The following DCDC1 variants were observed in gnomAD, a reference collection of about 807,000 sequenced individuals.
The protein encoded by DCDC1 is doublecortin domain-containing protein 1.
A neutral mutation model predicts 178.3 loss-of-function variants in DCDC1; 200 were observed. The ratio of observed to expected loss-of-function variants is 1.12; its 90% CI spans 1.00 to 1.26. The LOEUF is 1.26. Ranked by LOEUF, DCDC1 falls within the 50% of genes most tolerant of loss-of-function variation. The pLI is 0.00. For missense variants in DCDC1, 1,983 were observed against 1,749.2 expected (o/e 1.13, Z -2.38); for synonymous variants, 690 against 604.8 (o/e 1.14, Z -2.07).
intron 1 of DCDC1, among the ~76,000 whole-genome samples, chr11:31,361,333 G>T (rs1241087643): frequency 6.6e-6 from 1 of 152,026 alleles, no homozygotes; most frequent in Non-Finnish European, 1.5e-5. Context: ...AGAGCAAAAA[G>T]GTCCAAAAGG....
At chr11:30,925,501 A>G (rs1488447875) in intron 22 of DCDC1, 93 bp from the exon 23 acceptor site, 1 of 1,067,698 alleles carries the variant, frequency 9.4e-7, no homozygotes, top group Non-Finnish European at 1.4e-6. Context: ...TGAATCCATA[A>G]TGACAACTCT....
At chr11:31,173,147 A>G (rs2136232403) in intron 9 of DCDC1, among the ~76,000 whole-genome samples, 1 of 152,358 alleles carries the variant, frequency 6.6e-6, no homozygotes, top group East Asian at 1.9e-4. Context: ...ATATTACAAC[A>G]TAATTTTAAA....
chr11:31,296,093 C>T (rs1001099637), intron 6 of DCDC1, among the ~76,000 whole-genome samples: 1 of 151,816 alleles, frequency 6.6e-6, no homozygotes. Context: ...AGTCAGTCAG[C>T]CAGCCAGCCA....
chr11:31,026,783 C>A (rs893939142), intron 20 of DCDC1, among the ~76,000 whole-genome samples: 1 of 151,756 alleles, frequency 6.6e-6, no homozygotes, highest in African/African-American at 2.4e-5. Context: ...CCAAACTTTA[C>A]ACAAAATTAT....
At chr11:31,082,537 G>C (rs1957239049) in intron 17 of DCDC1, among the ~76,000 whole-genome samples, 1 of 151,928 alleles carries the variant, frequency 6.6e-6, no homozygotes, top group African/African-American at 2.4e-5. Flanking sequence ...TATAGATACA[G>C]ATATCACCCA....
At chr11:31,058,220 T>A (rs1256356633) in intron 20 of DCDC1, among the ~76,000 whole-genome samples, 4 of 152,110 alleles carry the variant, frequency 2.6e-5, no homozygotes, top group African/African-American at 9.7e-5. Flanking sequence ...GACAGGATGG[T>A]CTTGAAATGT....
At chr11:30,895,555 A>G (rs1944138888) in intron 34 of DCDC1, among the ~76,000 whole-genome samples, 2 of 152,344 alleles carry the variant, frequency 1.3e-5, no homozygotes, top group Middle Eastern at 3.4e-3. Flanking sequence ...ATAGAGTATA[A>G]AGCACTTGTG....
chr11:31,065,898 G>A (rs570553217), intron 18 of DCDC1, among the ~76,000 whole-genome samples: 5 of 152,200 alleles, frequency 3.3e-5, no homozygotes, highest in East Asian at 1.9e-4. Flanking sequence ...CAGCCCTCAC[G>A]GAACAAGTGT....
intron 33 of DCDC1, 60 bp from the exon 34 acceptor site, chr11:30,899,702 T>C: frequency 8.4e-7 from 1 of 1,193,184 alleles, no homozygotes; most frequent in Non-Finnish European, 1.1e-6. Flanking sequence ...GCACCAATAA[T>C]TTATAAAGAA....
intron 20 of DCDC1, among the ~76,000 whole-genome samples, chr11:30,968,735 A>ATATATATATATATATATATATATATC (rs1334388537): frequency 7.4e-6 from 1 of 135,790 alleles, no homozygotes; most frequent in South Asian, 2.2e-4. Context: ...ATATATATAT[A>ATATATATATATATATATATATATATC]TGGTTTGATA....
At chr11:30,998,651 TG>T (rs762794055) in intron 20 of DCDC1, among the ~76,000 whole-genome samples, 1 of 152,180 alleles carries the variant, frequency 6.6e-6, no homozygotes, top group Non-Finnish European at 1.5e-5. Context: ...GCTAAATTAG[TG>T]GGCAGAACTT....
At chr11:30,924,442 C>T (rs1946469823) in intron 23 of DCDC1, among the ~76,000 whole-genome samples, 1 of 152,092 alleles carries the variant, frequency 6.6e-6, no homozygotes, top group Non-Finnish European at 1.5e-5. Context: ...GAATTGTAGG[C>T]ATCAATCAAG....
intron 20 of DCDC1, among the ~76,000 whole-genome samples, chr11:30,976,309 T>G (rs770384747): frequency 6.6e-6 from 1 of 151,918 alleles, no homozygotes; most frequent in Non-Finnish European, 1.5e-5. Flanking sequence ...AAAGCACAGG[T>G]AGCAAAGTCA....
intron 21 of DCDC1, among the ~76,000 whole-genome samples, chr11:30,951,280 G>A (rs1327493115): frequency 6.6e-6 from 1 of 152,124 alleles, no homozygotes; most frequent in South Asian, 2.1e-4. Context: ...AATACATTTA[G>A]AATGACAGCT....
intron 37 of DCDC1, 60 bp from the exon 38 acceptor site, chr11:30,878,771 A>C: frequency 6.8e-7 from 1 of 1,481,324 alleles, no homozygotes; most frequent in Non-Finnish European, 9.0e-7. Context: ...AAAATAATTA[A>C]AAGTCCAGGA....
chr11:31,034,043 C>G (rs1014722240), intron 20 of DCDC1, among the ~76,000 whole-genome samples: 3 of 149,396 alleles, frequency 2.0e-5, no homozygotes, highest in Admixed American at 6.8e-5. Context: ...ACTCAGGAGG[C>G]TTAGGTAGGA....
chr11:31,126,843 C>T (rs1241050367), intron 11 of DCDC1, among the ~76,000 whole-genome samples: 1 of 152,170 alleles, frequency 6.6e-6, no homozygotes, highest in Non-Finnish European at 1.5e-5. Flanking sequence ...AGTACCAAAA[C>T]CACTTTAGCC....
At chr11:31,232,782 C>A (rs1297273097) in intron 9 of DCDC1, among the ~76,000 whole-genome samples, 1 of 152,070 alleles carries the variant, frequency 6.6e-6, no homozygotes, top group African/African-American at 2.4e-5. Flanking sequence ...CCAGTGAGCA[C>A]TTACTAGGTT....
At chr11:31,138,005 A>G (rs1476527523) in intron 9 of DCDC1, among the ~76,000 whole-genome samples, 2 of 152,192 alleles carry the variant, frequency 1.3e-5, no homozygotes, top group Non-Finnish European at 2.9e-5. Flanking sequence ...ATTACTAAAG[A>G]TGACTTAGGG....
Sources: allele counts gnomAD v4.1 joint callset (sites outside exome capture counted in the v4.1 genomes callset), GRCh38; gene constraint gnomAD v4.1.1; transcripts MANE v1.5; gene names NCBI Gene and HGNC (gene_info 2026-07-23, HGNC 2026-07-21).